Variants in MYF5 observed in about 807,000 individuals in gnomAD.
MYF5 encodes the protein myogenic factor 5, also known as class C basic helix-loop-helix protein 2.
A neutral mutation model predicts 22.3 loss-of-function variants in MYF5; 20 were observed. That is an observed-to-expected ratio of 0.90 (90% CI 0.63 to 1.30). The LOEUF is 1.30. Ranked by LOEUF, MYF5 falls within the 50% of genes most tolerant of loss-of-function variation. The pLI, the probability that MYF5 is intolerant of heterozygous loss-of-function variation, is 0.00. For missense variants in MYF5, 348 were observed against 325.9 expected (o/e 1.07, Z -0.52); for synonymous variants, 141 against 128.4 (o/e 1.10, Z -0.66).
chr12:80,717,582 T>C lies in MYF5; in HGVS notation c.501+18T>C. 6.2e-7 allele frequency: 1 copy of C among 1,609,796 alleles called. No homozygotes were observed. Among genetic ancestry groups the C allele is most frequent in the Non-Finnish European group, 8.5e-7 (1 of 1,176,966 alleles). ...ATGGCATGGTAAGCAATAGATCTGG[T>C]ACCTGCTAGGCTACCCTAATCTTTT... On this transcript the variant is annotated intron_variant, in intron 1 of 2. Transcript: ENST00000228644.
rs1388687792 is a variant in MYF5, at chr12:80,718,962, C to G, written c.679C>G (p.Leu227Val). ...GCAACCTGGGTTGCCTCTCCAGGATCTGGCTTCTCTCTCTCCAGTTGCCAG... is the reference window on the plus strand; with the variant it reads ...GCAACCTGGGTTGCCTCTCCAGGATGTGGCTTCTCTCTCTCCAGTTGCCAG... ...SEQPGLPLQD[L>V]ASLSPVASTD... Residue 227 changes from leucine to valine, a missense_variant, in exon 3 of 3, where the codon CTG (leucine) becomes GTG (valine). Coordinates refer to ENST00000228644, the MANE Select transcript of MYF5 (RefSeq NM_005593.3). 5 of 1,614,204 alleles carry G rather than the reference C, an allele frequency of 3.1e-6. No individual in the cohort carries two copies. Among genetic ancestry groups the G allele is most frequent in the Non-Finnish European group, 4.2e-6 (5 of 1,180,024 alleles).
At chr12:80,718,495 A>T in intron 2 of MYF5, 62 bp downstream of exon 2, 1 of 1,374,900 alleles carries the variant, frequency 7.3e-7, no homozygotes, top group East Asian at 2.3e-5. Flanking sequence ...TCAGCCTATA[A>T]GATTCTGTTC....
Position 80,718,955 on chromosome 12 carries a change from C to T in MYF5, c.672C>T (p.Leu224=), listed in dbSNP as rs1407548361. ...CCTCAGAGCAACCTGGGTTGCCTCT[C>T]CAGGATCTGGCTTCTCTCTCTCCAG... is the stretch of plus-strand genomic sequence containing the variant. ...ITSSEQPGLP[L]QDLASLSPVA... Residue 224 remains leucine (L), a synonymous_variant, in exon 3 of 3, where the codon CTC becomes CTT. Transcript: ENST00000228644. 2.5e-6 allele frequency: 4 copies of T among 1,613,994 alleles called. No homozygotes were observed. In the South Asian group the frequency reaches 3.3e-5, roughly 13 times the overall value.
At chr12:80,718,559 C>A (rs2121360917) in intron 2 of MYF5, 126 bp downstream of exon 2, 1 of 922,332 alleles carries the variant, frequency 1.1e-6, no homozygotes. Context: ...TATAGGGAGG[C>A]TTTGGTAAAG....
chr12:80,719,024 T>C lies in MYF5; in HGVS notation c.741T>C (p.Ser247=), dbSNP rs1565865198. ...AGCCTGCAACTCCAGGGGCTTCTAG[T>C]TCCAGGCTTATCTATCATGTGCTAT... ...DSQPATPGAS[S]SRLIYHVL The change falls in exon 3 of 3, where the codon AGT becomes AGC. Residue 247 remains serine (S), a synonymous_variant. Transcript: ENST00000228644. 1 of 1,614,122 alleles carries C rather than the reference T, an allele frequency of 6.2e-7. No individual in the cohort carries two copies. The highest frequency in any genetic ancestry group is 8.5e-7 in the Non-Finnish European group (1 of 1,180,012).
chr12:80,718,551 T>C (rs1357541757), intron 2 of MYF5, 118 bp downstream of exon 2: 6 of 976,024 alleles, frequency 6.1e-6, no homozygotes, highest in Admixed American at 1.9e-5. Flanking sequence ...ATGGTTCTTA[T>C]AGGGAGGCTT....
In MYF5 at chr12:80,719,246, CTTCT is replaced by C; in HGVS notation, c.*198_*201del. ...TCATCATTGCAAATAATACTTTCTT[CTTCT>C]TTATTATTCTTTGCTTAGATATTAA... On this transcript the variant is annotated 3_prime_UTR_variant, in exon 3 of 3. Transcript: ENST00000228644. 6.2e-6 allele frequency: 3 copies of C among 483,158 alleles called. No homozygotes were observed. The highest frequency in any genetic ancestry group is 1.1e-5 in the Non-Finnish European group (3 of 274,748). The allele number at this position is 483,158 out of a possible 1,614,324, so 29.9% of individuals were successfully genotyped here.
At chr12:80,718,546 T>C in intron 2 of MYF5, 113 bp downstream of exon 2, 1 of 1,005,324 alleles carries the variant, frequency 9.9e-7, no homozygotes. Context: ...AAGTGATGGT[T>C]CTTATAGGGA....
rs1868693214 is a variant in MYF5 at position 80,719,412 on chromosome 12, T to C, written c.*361T>C. On this transcript the variant is annotated 3_prime_UTR_variant, in exon 3 of 3. Coordinates refer to ENST00000228644, the MANE Select transcript of MYF5 (RefSeq NM_005593.3). ...AATGTCTCTGGTGTTTAGAGCTTTA[T>C]TTTTTTCTTTAAAACATTAAAACAG... 1 of 144,792 alleles carries C rather than the reference T, an allele frequency of 6.9e-6. No individual in the cohort carries two copies. Among genetic ancestry groups the C allele is most frequent in the Admixed American group, 6.7e-5 (1 of 14,958 alleles). 9.0% of individuals were successfully genotyped at this position (144,792 alleles called of 1,614,324 possible). A position where few individuals can be genotyped will look rare whatever the true frequency, so the allele number is the denominator to read the frequency against.
Position 80,719,308 on chromosome 12 carries a change from G to A in MYF5, c.*257G>A, listed in dbSNP as rs1235317780. On this transcript the variant is annotated 3_prime_UTR_variant, in exon 3 of 3. Coordinates refer to ENST00000228644, the MANE Select transcript of MYF5 (RefSeq NM_005593.3). ...TTCCAGTAATACTATTTCTGATAGG[G>A]GGCCATTGATTGAGGGTAGCTTGTT... 2.7e-5 allele frequency: 6 copies of A among 222,934 alleles called. No homozygotes were observed. The highest frequency in any genetic ancestry group is 5.3e-5 in the Non-Finnish European group (6 of 113,994). The allele number at this position is 222,934 out of a possible 1,614,324, so 13.8% of individuals were successfully genotyped here. A position where few individuals can be genotyped will look rare whatever the true frequency, so the allele number is the denominator to read the frequency against.
Position 80,717,417 on chromosome 12 carries a change from GC to G in MYF5, c.357del (p.Lys120ArgfsTer19), listed in dbSNP as rs1868634509. On this transcript the variant is annotated frameshift_variant, in exon 1 of 3. Coordinates refer to ENST00000228644, the MANE Select transcript of MYF5 (RefSeq NM_005593.3). LOFTEE classifies it high-confidence loss of function. ...CTTTNPNQRLPKVEILRNAIR... is the reference protein window; with the variant it reads ...CTTTNPNQRLXKVEILRNAIR... ...CCACGACCAACCCCAACCAGAGGCT[GC>G]CCAAGGTGGAGATCCTCAGGAATGC... The G allele has an allele frequency of 1.9e-6, 3 of 1,614,166 alleles. No homozygotes were observed. In the East Asian group the frequency reaches 6.7e-5, roughly 36 times the overall value.
At chr12:80,717,650 G>A in intron 1 of MYF5, 86 bp downstream of exon 1, 2 of 1,489,462 alleles carry the variant, frequency 1.3e-6, no homozygotes, top group Non-Finnish European at 1.8e-6. Context: ...GGTGGGGAGA[G>A]TGGGGTGGAG....
In MYF5 at chr12:80,718,336, T is replaced by A. The variant is rs757110280; in HGVS notation, c.502-22T>A. 3 of 1,609,734 alleles carry A rather than the reference T, an allele frequency of 1.9e-6. No homozygotes were observed. In the South Asian group the frequency reaches 3.3e-5, roughly 18 times the overall value. ...TTTGCCAAGACCTGAAAACAAACTT[T>A]GTTGTGTGTCTTGTATTATAGCCCG... On this transcript the variant is annotated intron_variant, in intron 1 of 2. Transcript: ENST00000228644.
In MYF5 at chr12:80,718,126, G is replaced by A. The variant is rs73135517; in HGVS notation, c.502-232G>A. On this transcript the variant is annotated intron_variant, in intron 1 of 2. Transcript: ENST00000228644. The stretch of plus-strand genomic sequence containing the variant: ...CATGGTTAACCCAATGCACATTGCT[G>A]CTGAATTCCACCCCCTCTTCCCTTT... Among the ~76,000 whole-genome samples the A allele has an allele frequency of 9.0e-3, 1,375 of 152,302 alleles. 13 individuals are homozygous for A. The highest frequency in any genetic ancestry group is 0.013 in the Non-Finnish European group (864 of 68,026).
chr12:80,718,492 A>T lies in MYF5; in HGVS notation c.577+59A>T. The T allele has an allele frequency of 1.2e-5, 16 of 1,375,160 alleles. No individual in the cohort carries two copies. In the South Asian group the frequency reaches 1.9e-4, roughly 16 times the overall value. The allele number at this position is 1,375,160 out of a possible 1,614,324, so 85.2% of individuals were successfully genotyped here. On this transcript the variant is annotated intron_variant, in intron 2 of 2. Coordinates refer to ENST00000228644, the MANE Select transcript of MYF5 (RefSeq NM_005593.3). ...CCAGTTCAACCTAACAATTCAGCCT[A>T]TAAGATTCTGTTCTTGCTGATAGTA...
In MYF5 at chr12:80,718,407, G is replaced by A; in HGVS notation, c.551G>A (p.Ser184Asn). The change falls in exon 2 of 3, where the codon AGC becomes AAC. Residue 184 changes from serine to asparagine, a missense_variant. By Grantham distance (46) the Ser-to-Asn change is conservative (BLOSUM62 1). Transcript: ENST00000228644. ...VWSRKSSTFD[S>N]IYCPDVSNVY... Reference sequence around the variant, plus strand: ...TCCAGAAAGAGCAGTACTTTTGACAGCATCTACTGTCCTGATGTATCAAAT... The same window carrying A: ...TCCAGAAAGAGCAGTACTTTTGACAACATCTACTGTCCTGATGTATCAAAT... The A allele has an allele frequency of 6.2e-7, 1 of 1,613,774 alleles. No individual in the cohort carries two copies. Among genetic ancestry groups the A allele is most frequent in the South Asian group, 1.1e-5 (1 of 91,074 alleles).
chr12:80,717,627 T>C, intron 1 of MYF5, 63 bp downstream of exon 1: 3 of 1,552,882 alleles, frequency 1.9e-6, no homozygotes, highest in Non-Finnish European at 2.6e-6. Context: ...TTACACCTCA[T>C]TTAACCTGGT....
rs751140907 is a variant in MYF5 at position 80,718,436 on chromosome 12, A to G, written c.577+3A>G. ...CTACTGTCCTGATGTATCAAATGGT[A>G]AGAATTGATAACTTCACAGGAGTTT... On this transcript the variant is annotated splice_donor_region_variant and intron_variant, in intron 2 of 2. Transcript: ENST00000228644. 1.2e-6 allele frequency: 2 copies of G among 1,607,982 alleles called. No individual in the cohort carries two copies. Among genetic ancestry groups the G allele is most frequent in the Non-Finnish European group, 1.7e-6 (2 of 1,174,396 alleles).
rs567044744 is a variant in MYF5 at position 80,716,985 on chromosome 12, C to T, written c.-79C>T. ...TAGGGAGCTCCGCCCGGGATTTGCC[C>T]ATCGGCGGAGGCGCCAGGCTCCCGT... On this transcript the variant is annotated 5_prime_UTR_variant, in exon 1 of 3. Transcript: ENST00000228644. 7.2e-5 allele frequency: 109 copies of T among 1,517,362 alleles called. No individual in the cohort carries two copies. In the African/African-American group the frequency reaches 1.3e-3, roughly 18 times the overall value. The allele number at this position is 1,517,362 out of a possible 1,614,324, so 94.0% of individuals were successfully genotyped here.
Sources: gnomAD v4.1 joint callset for allele counts (sites outside exome capture counted in the v4.1 genomes callset) on GRCh38, gnomAD v4.1.1 for gene constraint, MANE v1.5 for transcripts, NCBI Gene and HGNC (gene_info 2026-07-23, HGNC 2026-07-21) for gene names.